The following PDZRN4 variants were observed in gnomAD, a reference collection of about 807,000 sequenced individuals.
PDZRN4 encodes PDZ domain containing ring finger 4.
Under a neutral mutation model 99.0 loss-of-function variants are expected in PDZRN4, and 70 were observed. The observed-to-expected ratio is 0.71, with a 90% confidence interval of 0.58 to 0.86. The LOEUF is 0.86. Ranked by LOEUF, PDZRN4 falls within the 40% of genes least tolerant of loss-of-function variation. The pLI is 0.00. For synonymous variants in PDZRN4, 551 were observed against 501.6 expected, an observed-to-expected ratio of 1.10 and a Z score of -1.32; for missense variants, 1,474 against 1,331.2, an observed-to-expected ratio of 1.11 and a Z score of -1.67.
At chr12:41,553,415 GAATGTT>G in intron 6 of PDZRN4, among the ~76,000 whole-genome samples, 2 of 152,212 alleles carry the variant, frequency 1.3e-5, no homozygotes, top group South Asian at 2.1e-4. Context: ...AAGTGGGAAG[GAATGTT>G]TTTAAAAATT....
chr12:41,491,574 C>T (rs1463774481), intron 3 of PDZRN4, among the ~76,000 whole-genome samples: 8 of 151,932 alleles, frequency 5.3e-5, no homozygotes, highest in Admixed American at 3.9e-4. Flanking sequence ...ACTGGCTTTC[C>T]CTGTCAGGGT....
At chr12:41,563,406 T>G (rs148287200) in intron 7 of PDZRN4, 142 bp from the exon 8 acceptor site, 6,408 of 634,854 alleles carry the variant, frequency 0.01, 53 homozygotes, top group Non-Finnish European at 0.014. Flanking sequence ...GTGAAGGCAC[T>G]TTGAGCTGAG....
chr12:41,331,353 C>CTAG (rs1951740298), intron 3 of PDZRN4, among the ~76,000 whole-genome samples: 1 of 151,930 alleles, frequency 6.6e-6, no homozygotes, highest in Non-Finnish European at 1.5e-5. Flanking sequence ...ACAAATATGT[C>CTAG]AATGACCACA....
At chr12:41,314,240 T>A (rs1951624795) in intron 3 of PDZRN4, among the ~76,000 whole-genome samples, 1 of 152,166 alleles carries the variant, frequency 6.6e-6, no homozygotes, top group African/African-American at 2.4e-5. Flanking sequence ...TCATAGGTGA[T>A]CCCTATAGAA....
At chr12:41,490,664 C>T (rs991375532) in intron 3 of PDZRN4, among the ~76,000 whole-genome samples, 1 of 152,006 alleles carries the variant, frequency 6.6e-6, no homozygotes, top group Non-Finnish European at 1.5e-5. Flanking sequence ...CCTCAGAGTC[C>T]CAAGACTCTC....
At chr12:41,352,055 C>A (rs1473133265) in intron 3 of PDZRN4, among the ~76,000 whole-genome samples, 5 of 151,520 alleles carry the variant, frequency 3.3e-5, no homozygotes, top group African/African-American at 1.2e-4. Flanking sequence ...AAATAAATAG[C>A]ATGAAAACTA....
chr12:41,352,755 T>C (rs1230693401), intron 3 of PDZRN4, among the ~76,000 whole-genome samples: 1 of 152,130 alleles, frequency 6.6e-6, no homozygotes, highest in Non-Finnish European at 1.5e-5. Flanking sequence ...TATGCATTTC[T>C]TATGTGTTTG....
At chr12:41,448,234 T>C (rs1952745732) in intron 3 of PDZRN4, among the ~76,000 whole-genome samples, 1 of 152,192 alleles carries the variant, frequency 6.6e-6, no homozygotes, top group African/African-American at 2.4e-5. Flanking sequence ...GCTAAAATTT[T>C]AACCAAAGAA....
intron 9 of PDZRN4, among the ~76,000 whole-genome samples, chr12:41,570,192 C>T (rs759889546): frequency 2.0e-5 from 3 of 152,018 alleles, no homozygotes; most frequent in Non-Finnish European, 4.4e-5. Flanking sequence ...TTTTTCTTCA[C>T]CATGAGACTA....
chr12:41,416,840 G>A (rs903742662), intron 3 of PDZRN4, among the ~76,000 whole-genome samples: 1 of 152,134 alleles, frequency 6.6e-6, no homozygotes, highest in South Asian at 2.1e-4. Flanking sequence ...TCTATTCTTA[G>A]ATACTGCAGC....
chr12:41,415,012 T>C (rs1305321714), intron 3 of PDZRN4, among the ~76,000 whole-genome samples: 1 of 152,192 alleles, frequency 6.6e-6, no homozygotes, highest in Non-Finnish European at 1.5e-5. Flanking sequence ...GTTCTAATCA[T>C]GCTGGACATT....
At chr12:41,302,105 T>C (rs1179610079) in intron 3 of PDZRN4, among the ~76,000 whole-genome samples, 1 of 151,050 alleles carries the variant, frequency 6.6e-6, no homozygotes, top group Non-Finnish European at 1.5e-5. Flanking sequence ...TCTGATTATA[T>C]ATGTGCATAT....
intron 3 of PDZRN4, among the ~76,000 whole-genome samples, chr12:41,499,077 G>A (rs1938064524): frequency 6.6e-6 from 1 of 152,084 alleles, no homozygotes; most frequent in South Asian, 2.1e-4. Flanking sequence ...AAGAGAGAGA[G>A]AGAGACGTTC....
At chr12:41,520,629 C>CAG (rs962826172) in intron 5 of PDZRN4, among the ~76,000 whole-genome samples, 2 of 103,692 alleles carry the variant, frequency 1.9e-5, no homozygotes, top group African/African-American at 6.2e-5. Context: ...GACACACACA[C>CAG]ACACACACAC....
chr12:41,297,828 T>G (rs17129218), intron 3 of PDZRN4, among the ~76,000 whole-genome samples: 2,252 of 152,202 alleles, frequency 0.015, 56 homozygotes, highest in African/African-American at 0.052. Context: ...TTAACCAAAC[T>G]GACTATTAGG....
intron 3 of PDZRN4, among the ~76,000 whole-genome samples, chr12:41,201,179 C>A (rs1468935011): frequency 8.3e-6 from 1 of 120,882 alleles, no homozygotes; most frequent in African/African-American, 3.0e-5. Context: ...AAAAAAAAAA[C>A]CCTCTACTAT....
At chr12:41,523,667 T>C (rs188820533) in intron 5 of PDZRN4, among the ~76,000 whole-genome samples, 18 of 152,060 alleles carry the variant, frequency 1.2e-4, no homozygotes, top group Admixed American at 9.8e-4. Flanking sequence ...AGTAAGAAAA[T>C]CTCAGATGAA....
At chr12:41,422,668 G>C (rs1238396307) in intron 3 of PDZRN4, among the ~76,000 whole-genome samples, 1 of 152,056 alleles carries the variant, frequency 6.6e-6, no homozygotes, top group Non-Finnish European at 1.5e-5. Context: ...CTTACTGTCA[G>C]AACAGCATGG....
chr12:41,373,882 G>A (rs147781768), intron 3 of PDZRN4, among the ~76,000 whole-genome samples: 5,778 of 152,188 alleles, frequency 0.038, 302 homozygotes, highest in East Asian at 0.18. Flanking sequence ...ATTAATTTGG[G>A]GAACTAATAA....
Sources: gnomAD v4.1 joint callset for allele counts (sites outside exome capture counted in the v4.1 genomes callset) on GRCh38, gnomAD v4.1.1 for gene constraint, MANE v1.5 for transcripts, NCBI Gene and HGNC (gene_info 2026-07-23, HGNC 2026-07-21) for gene names.